Variants in GRIP2 observed in about 807,000 individuals in gnomAD.
The protein encoded by GRIP2 is glutamate receptor interacting protein 2.
Under a neutral mutation model 108.3 loss-of-function variants are expected in GRIP2, and 58 were observed. The ratio of observed to expected loss-of-function variants is 0.54; its 90% CI spans 0.43 to 0.67. GRIP2 has a LOEUF of 0.67. Among genes scored for constraint, GRIP2 ranks in the 30% least tolerant of loss-of-function variants. The probability of loss-of-function intolerance (pLI) is 0.00; values close to 1 mark genes in which losing one functional copy is unlikely to be tolerated. For synonymous variants in GRIP2, 586 were observed against 598.2 expected (o/e 0.98, Z 0.30); for missense variants, 1,278 against 1,430.6 (o/e 0.89, Z 1.72).
intron 16 of GRIP2, among the ~76,000 whole-genome samples, chr3:14,510,261 T>G (rs1212459318): frequency 6.6e-5 from 4 of 61,002 alleles, no homozygotes; most frequent in Admixed American, 2.3e-4. Context: ...ATCCGTTGTT[T>G]TTTTTTTTTT....
the GRIP2 span, among the ~76,000 whole-genome samples, chr3:14,599,190 T>C: frequency 6.6e-6 from 1 of 152,264 alleles, no homozygotes; most frequent in Non-Finnish European, 1.5e-5. Context: ...AAATATTTGT[T>C]GCATGAATGA....
chr3:14,593,113 C>T, the GRIP2 span, among the ~76,000 whole-genome samples: 1 of 152,232 alleles, frequency 6.6e-6, no homozygotes, highest in South Asian at 2.1e-4. Flanking sequence ...CCAGCCCAGC[C>T]TGGCCTGGAT....
chr3:14,504,300 C>G (rs991427074), intron 20 of GRIP2, among the ~76,000 whole-genome samples: 66 of 151,058 alleles, frequency 4.4e-4, no homozygotes, highest in African/African-American at 1.5e-3. Context: ...ATTTACAAAG[C>G]ACTTGCTTGT....
Position 14,507,592 on chromosome 3 carries a change from G to C in GRIP2, c.2187C>G (p.Thr729=). 6.2e-7 allele frequency: 1 copy of C among 1,613,948 alleles called. No individual in the cohort carries two copies. The highest frequency in any genetic ancestry group is 8.5e-7 in the Non-Finnish European group (1 of 1,179,836). The change falls in exon 18 of 24, where the codon ACC becomes ACG. Residue 729 remains threonine, a synonymous_variant. Transcript: ENST00000621039. This position sits in a 1 kb window ranked among gnomAD's most constrained non-coding sequence, Gnocchi z 4.6. ...GTTGCTTCTTGATCTTCAGTGTGAC[G>C]GTCTCTCCAGCCACCTGCAGGAGGT... The part of the protein sequence containing the change: ...AIHLLQVAGE[T]VTLKIKKQLD...
rs566382175 is a variant in GRIP2, at chr3:14,512,055, G to A, written c.1721-576C>T. Reference sequence around the variant, plus strand: ...GTCGAGGGCGGTAAATGTTCAGTCAGGTGGTCGGGGAAGGCCTTGTCAAGT... The same window carrying A: ...GTCGAGGGCGGTAAATGTTCAGTCAAGTGGTCGGGGAAGGCCTTGTCAAGT... On this transcript the variant is annotated intron_variant, in intron 14 of 23. Transcript: ENST00000621039. This position sits in a 1 kb window ranked among gnomAD's most constrained non-coding sequence, Gnocchi z 5.1. Among the ~76,000 whole-genome samples, 2 of 152,352 alleles carry A rather than the reference G, an allele frequency of 1.3e-5. No individual in the cohort carries two copies. Among genetic ancestry groups the A allele is most frequent in the African/African-American group, 4.8e-5 (2 of 41,586 alleles).
intron 21 of GRIP2, among the ~76,000 whole-genome samples, chr3:14,497,423 C>T (rs1336181865): frequency 6.6e-6 from 1 of 152,076 alleles, no homozygotes; most frequent in African/African-American, 2.4e-5. Flanking sequence ...GGGAAGCATC[C>T]AGAGCTGAAA....
At chr3:14,536,371 G>A (rs1311793123) in intron 1 of GRIP2, among the ~76,000 whole-genome samples, 1 of 152,150 alleles carries the variant, frequency 6.6e-6, no homozygotes, top group African/African-American at 2.4e-5. Context: ...AGGGCTCCCT[G>A]ACCTCACAAC....
chr3:14,541,778 G>C (rs1242075989), upstream of GRIP2: 2 of 837,452 alleles, frequency 2.4e-6, no homozygotes, highest in Admixed American at 2.4e-5. Context: ...TCAGCCACAG[G>C]GTGGGTGGTG....
rs193063428 is a variant in GRIP2, at chr3:14,503,861, G to A, written c.2574-190C>T. The A allele has an allele frequency of 7.6e-4, 450 of 593,970 alleles. 2 individuals are homozygous for A. The African/African-American group carries it at 7.9e-3, about 10-fold the overall frequency. The allele number at this position is 593,970 out of a possible 1,614,324, so 36.8% of individuals were successfully genotyped here. Reference sequence around the variant, plus strand: ...GGGCAGTGGTTGGTGACACGGAATAGGGGAAAGACGCAGTTAGGGGCGACC... The same window carrying A: ...GGGCAGTGGTTGGTGACACGGAATAAGGGAAAGACGCAGTTAGGGGCGACC... On this transcript the variant is annotated intron_variant, in intron 20 of 23. Coordinates refer to ENST00000621039, the MANE Select transcript of GRIP2 (RefSeq NM_001080423.4).
At chr3:14,542,582 T>C (rs1433016018), upstream of GRIP2, among the ~76,000 whole-genome samples, 1 of 152,208 alleles carries the variant, frequency 6.6e-6, no homozygotes, top group Non-Finnish European at 1.5e-5. Context: ...CTCTCACTGC[T>C]CCTTTGGAGT....
rs755977192 is a variant in GRIP2, at chr3:14,524,705, C to T, written c.258-167G>A. ...GACAGTTGTCCAGGGTCACACAGCA[C>T]GTAAGAGAGTGCAGAGACTGACACC... On this transcript the variant is annotated intron_variant, in intron 3 of 23. Transcript: ENST00000621039. Among the ~76,000 whole-genome samples the T allele has an allele frequency of 2.0e-5, 3 of 152,142 alleles. 1 individual carries two copies. Among genetic ancestry groups the T allele is most frequent in the South Asian group, 4.1e-4 (2 of 4,822 alleles).
the GRIP2 span, among the ~76,000 whole-genome samples, chr3:14,581,207 G>A: frequency 6.6e-6 from 1 of 152,128 alleles, no homozygotes; most frequent in African/African-American, 2.4e-5. Flanking sequence ...TACACTCTTG[G>A]AGCCCCACCC....
At chr3:14,596,909 T>A in the GRIP2 span, among the ~76,000 whole-genome samples, 1 of 152,134 alleles carries the variant, frequency 6.6e-6, no homozygotes, top group African/African-American at 2.4e-5. Flanking sequence ...CTCAGCTGAT[T>A]TTTTAAATTT....
At chr3:14,546,034 A>T (rs758801549), upstream of GRIP2, among the ~76,000 whole-genome samples, 2 of 152,200 alleles carry the variant, frequency 1.3e-5, no homozygotes, top group African/African-American at 2.4e-5. Flanking sequence ...CACAGAGAAT[A>T]CAAGGCAGGT....
chr3:14,551,452 G>A (rs1017496868), intron 1 of GRIP2, among the ~76,000 whole-genome samples: 2 of 152,190 alleles, frequency 1.3e-5, no homozygotes, highest in Admixed American at 1.3e-4. Context: ...TCCACTCTGG[G>A]CTCTGCTCTG....
chr3:14,584,074 C>A, the GRIP2 span, among the ~76,000 whole-genome samples: 1 of 152,206 alleles, frequency 6.6e-6, no homozygotes, highest in Non-Finnish European at 1.5e-5. Context: ...ATTTTATAGA[C>A]AAAGACACTA....
At chr3:14,519,239 C>T (rs959606274) in intron 9 of GRIP2, among the ~76,000 whole-genome samples, 1 of 152,152 alleles carries the variant, frequency 6.6e-6, no homozygotes. Flanking sequence ...ATGGACTCTC[C>T]CCAAGAACTG....
At chr3:14,569,953 A>T in the GRIP2 span, among the ~76,000 whole-genome samples, 1 of 152,070 alleles carries the variant, frequency 6.6e-6, no homozygotes, top group Non-Finnish European at 1.5e-5. Context: ...CGAGGACTAT[A>T]ATTATCCCAA....
the GRIP2 span, among the ~76,000 whole-genome samples, chr3:14,598,338 C>G: frequency 7.7e-6 from 1 of 129,040 alleles, no homozygotes; most frequent in Non-Finnish European, 1.7e-5. Flanking sequence ...TAGCTGGGTA[C>G]CACAGGGGGA....
Sources: gnomAD v4.1 joint callset for allele counts (sites outside exome capture counted in the v4.1 genomes callset) on GRCh38, gnomAD v4.1.1 for gene constraint, Gnocchi (gnomAD v3.1) non-coding constraint, MANE v1.5 for transcripts, NCBI Gene and HGNC (gene_info 2026-07-23, HGNC 2026-07-21) for gene names.